The following SETBP1 variants were observed in gnomAD, a reference collection of about 807,000 sequenced individuals.
SETBP1 encodes the protein SET-binding protein.
A neutral mutation model predicts 101.0 loss-of-function variants in SETBP1; 9 were observed. The ratio of observed to expected loss-of-function variants is 0.09; its 90% CI spans 0.05 to 0.16. SETBP1 has a LOEUF of 0.16. Among genes scored for constraint, SETBP1 ranks in the 10% least tolerant of loss-of-function variants. The pLI is 1.00. For synonymous variants in SETBP1, 818 were observed against 788.5 expected (o/e 1.04, Z -0.63); for missense variants, 1,858 against 2,033.8 (o/e 0.91, Z 1.66).
intron 2 of SETBP1, among the ~76,000 whole-genome samples, chr18:44,713,533 T>G (rs2069392290): frequency 6.6e-6 from 1 of 151,984 alleles, no homozygotes; most frequent in Non-Finnish European, 1.5e-5. Flanking sequence ...TTCTAAAAGG[T>G]GTAAGTGGGA....
At chr18:44,777,161 T>TA (rs1166064972) in intron 2 of SETBP1, among the ~76,000 whole-genome samples, 7 of 151,742 alleles carry the variant, frequency 4.6e-5, no homozygotes, top group Non-Finnish European at 1.0e-4. Flanking sequence ...TACAAAAAAT[T>TA]AAAAAATTAG....
intron 2 of SETBP1, among the ~76,000 whole-genome samples, chr18:44,737,395 G>A (rs2069992566): frequency 6.6e-6 from 1 of 152,070 alleles, no homozygotes; most frequent in Non-Finnish European, 1.5e-5. Flanking sequence ...GTTTCTCCCT[G>A]GTGTATAGAC....
In SETBP1 at chr18:44,967,256, G is replaced by T. The variant is rs528658877; in HGVS notation, c.4000+13916G>T. Among the ~76,000 whole-genome samples the T allele has an allele frequency of 5.9e-5, 9 of 152,274 alleles. No individual in the cohort carries two copies. In the South Asian group the frequency reaches 1.9e-3, roughly 32 times the overall value. On this transcript the variant is annotated intron_variant, in intron 4 of 5. Transcript: ENST00000649279. ...AAGATAACGGAAAGCTCACTGAGTA[G>T]GCATTATCCGTAGAACTTGGGAATT...
At position 44,682,171 on chromosome 18, in the gene SETBP1, C is replaced by T. The variant is rs529451310; in HGVS notation, c.-173+1150C>T. Reference sequence around the variant, plus strand: ...AAACTATCTGCCGATTTGGCACCATCTCTTACCCTCCTTTAGTAAATAGGT... The same window carrying T: ...AAACTATCTGCCGATTTGGCACCATTTCTTACCCTCCTTTAGTAAATAGGT... On this transcript the variant is annotated intron_variant, in intron 1 of 5. Coordinates refer to ENST00000649279, the MANE Select transcript of SETBP1 (RefSeq NM_015559.3). Among the ~76,000 whole-genome samples the T allele has an allele frequency of 2.6e-5, 4 of 152,344 alleles. No individual in the cohort carries two copies. In the East Asian group the frequency reaches 5.8e-4, roughly 22 times the overall value.
chr18:45,047,381 A>G (rs1392356720), intron 5 of SETBP1, among the ~76,000 whole-genome samples: 1 of 152,230 alleles, frequency 6.6e-6, no homozygotes, highest in Non-Finnish European at 1.5e-5. Context: ...GCAAAGAATT[A>G]AAGGGCACAT....
intron 4 of SETBP1, among the ~76,000 whole-genome samples, chr18:45,010,996 T>A (rs72913358): frequency 0.016 from 2,393 of 152,324 alleles, 27 homozygotes; most frequent in Non-Finnish European, 0.023. Context: ...TAAGAAGACA[T>A]AATTCATGTG....
At chr18:44,696,076 T>G (rs1598999813) in intron 1 of SETBP1, among the ~76,000 whole-genome samples, 1 of 151,520 alleles carries the variant, frequency 6.6e-6, no homozygotes, top group Non-Finnish European at 1.5e-5. Context: ...AAGAGGGAGG[T>G]GAATAAATGA....
chr18:44,929,776 C>G (rs1386671299), intron 3 of SETBP1, among the ~76,000 whole-genome samples: 1 of 152,118 alleles, frequency 6.6e-6, no homozygotes, highest in Non-Finnish European at 1.5e-5. Context: ...GATTTTTGCA[C>G]ATTGATTTTG....
chr18:45,063,296 G>A lies in SETBP1; in HGVS notation c.4389G>A (p.Gln1463=), dbSNP rs1019850669. 1 of 1,607,020 alleles carries A rather than the reference G, an allele frequency of 6.2e-7. No individual in the cohort carries two copies. Among genetic ancestry groups the A allele is most frequent in the South Asian group, 1.1e-5 (1 of 90,084 alleles). The stretch of plus-strand genomic sequence containing the variant: ...GGCGTCCCAGGAAGCAGCCCACCCA[G>A]TTCGATGAGGACTCCAGAGACCAAA... ...RRGRPRKQPT[Q]FDEDSRDQMP... The change falls in exon 6 of 6, where the codon CAG becomes CAA. Residue 1463 remains glutamine (Q), a synonymous_variant. Coordinates refer to ENST00000649279, the MANE Select transcript of SETBP1 (RefSeq NM_015559.3).
intron 5 of SETBP1, among the ~76,000 whole-genome samples, chr18:45,047,286 A>G (rs1424208363): frequency 1.3e-5 from 2 of 152,166 alleles, no homozygotes; most frequent in African/African-American, 2.4e-5. Flanking sequence ...TTCTATTAAG[A>G]TACTCATTTT....
intron 1 of SETBP1, among the ~76,000 whole-genome samples, chr18:44,691,565 T>C (rs1356802518): frequency 2.0e-5 from 3 of 152,216 alleles, no homozygotes; most frequent in Admixed American, 2.0e-4. Context: ...CACTGTTTTT[T>C]ACAGCTACAG....
intron 4 of SETBP1, among the ~76,000 whole-genome samples, chr18:45,003,517 A>C (rs2072660134): frequency 1.3e-5 from 2 of 152,174 alleles, no homozygotes; most frequent in African/African-American, 4.8e-5. Flanking sequence ...TACATGGGCA[A>C]TATTTACTCT....
chr18:44,724,231 G>T (rs1348677282), intron 2 of SETBP1, among the ~76,000 whole-genome samples: 1 of 152,190 alleles, frequency 6.6e-6, no homozygotes, highest in African/African-American at 2.4e-5. Flanking sequence ...AGTTGGGACA[G>T]GGGTTTAGAA....
chr18:44,817,305 C>T (rs541479369), intron 2 of SETBP1, among the ~76,000 whole-genome samples: 7 of 152,282 alleles, frequency 4.6e-5, no homozygotes, highest in East Asian at 3.9e-4. Context: ...CCTAGGGTCA[C>T]GCAGTTAAAT....
At chr18:44,743,815 T>C (rs1254973217) in intron 2 of SETBP1, among the ~76,000 whole-genome samples, 10 of 152,194 alleles carry the variant, frequency 6.6e-5, no homozygotes, top group Admixed American at 5.9e-4. Flanking sequence ...CTGCTGCCAT[T>C]GTCTGCTCCC....
intron 3 of SETBP1, among the ~76,000 whole-genome samples, chr18:44,909,198 C>A (rs1227790395): frequency 6.6e-6 from 1 of 152,216 alleles, no homozygotes; most frequent in African/African-American, 2.4e-5. Context: ...AAATGGGGAA[C>A]TTCTTTAACT....
intron 3 of SETBP1, among the ~76,000 whole-genome samples, chr18:44,943,840 C>CTT (rs57430235): frequency 0.11 from 15,602 of 142,538 alleles, 898 homozygotes; most frequent in East Asian, 0.18. Context: ...CTTTTTTTTT[C>CTT]TTTTTTTTTT....
At chr18:44,799,169 T>A (rs560159313) in intron 2 of SETBP1, among the ~76,000 whole-genome samples, 25 of 152,174 alleles carry the variant, frequency 1.6e-4, no homozygotes, top group Middle Eastern at 3.4e-3. Context: ...GTCATTAACA[T>A]CTTATATTTG....
At chr18:44,897,191 A>G (rs2069925853) in intron 3 of SETBP1, among the ~76,000 whole-genome samples, 1 of 152,186 alleles carries the variant, frequency 6.6e-6, no homozygotes, top group Non-Finnish European at 1.5e-5. Context: ...TTTGGGGGCC[A>G]TTTGAAACCC....
Sources: gnomAD v4.1 joint callset for allele counts (sites outside exome capture counted in the v4.1 genomes callset) on GRCh38, gnomAD v4.1.1 for gene constraint, MANE v1.5 for transcripts, NCBI Gene and HGNC (gene_info 2026-07-23, HGNC 2026-07-21) for gene names.